Variants in AP1S3 observed in about 807,000 individuals in gnomAD.
AP1S3 encodes AP-1 complex subunit sigma-3.
A neutral mutation model predicts 20.9 loss-of-function variants in AP1S3; 10 were observed. The observed-to-expected ratio is 0.48, with a 90% CI of 0.29 to 0.81. AP1S3 has a LOEUF of 0.81. AP1S3 is among the 30% of genes least tolerant of loss of function. The probability of loss-of-function intolerance (pLI) is 0.08; values close to 1 mark genes in which losing one functional copy is unlikely to be tolerated. For synonymous variants in AP1S3, 41 were observed against 61.5 expected (o/e 0.67, Z 1.56); for missense variants, 154 against 183.8 (o/e 0.84, Z 0.94).
chr2:223,816,512 C>A (rs890966404), intron 1 of AP1S3, among the ~76,000 whole-genome samples: 1 of 152,152 alleles, frequency 6.6e-6, no homozygotes, highest in East Asian at 1.9e-4. Context: ...CAGCAAGGAA[C>A]AGATAGCAAG....
chr2:223,818,838 GCCACT>G (rs1192414728), intron 1 of AP1S3, among the ~76,000 whole-genome samples: 77 of 152,202 alleles, frequency 5.1e-4, no homozygotes, highest in African/African-American at 1.7e-3. Flanking sequence ...ACAGGCATGA[GCCACT>G]GCACCAGGCC....
At chr2:223,815,380 A>G (rs1691821364) in intron 1 of AP1S3, among the ~76,000 whole-genome samples, 1 of 151,814 alleles carries the variant, frequency 6.6e-6, no homozygotes, top group African/African-American at 2.4e-5. Context: ...ATGCAATCCA[A>G]GGAAAGCAGA....
At position 223,755,928 on chromosome 2, in the gene AP1S3, T is replaced by C. The variant is rs1009095081; in HGVS notation, c.*2787A>G. 39 of 985,368 alleles carry C rather than the reference T, an allele frequency of 4.0e-5. No homozygotes were observed. Among genetic ancestry groups the C allele is most frequent in the African/African-American group, 1.0e-4 (6 of 57,262 alleles). 61.0% of individuals were successfully genotyped at this position (985,368 alleles called of 1,614,324 possible). A position where few individuals can be genotyped will look rare whatever the true frequency, so the allele number is the denominator to read the frequency against. The stretch of plus-strand genomic sequence containing the variant: ...ATGGAATTATCCAGAACATGTGTAG[T>C]ATATTTGAATGAGGTTCAAGAGATA... On this transcript the variant is annotated 3_prime_UTR_variant, in exon 5 of 5. Coordinates refer to ENST00000396654, the MANE Select transcript of AP1S3 (RefSeq NM_001039569.2).
chr2:223,755,877 C>A lies in AP1S3; in HGVS notation c.*2838G>T. 1 of 985,370 alleles carries A rather than the reference C, an allele frequency of 1.0e-6. No homozygotes were observed. Among genetic ancestry groups the A allele is most frequent in the Non-Finnish European group, 1.2e-6 (1 of 829,924 alleles). 61.0% of individuals were successfully genotyped at this position (985,370 alleles called of 1,614,324 possible). A position where few individuals can be genotyped will look rare whatever the true frequency, so the allele number is the denominator to read the frequency against. On this transcript the variant is annotated 3_prime_UTR_variant, in exon 5 of 5. Transcript: ENST00000396654. ...GTGACACTGATTGAAGTCTGAGAAG[C>A]CCTGTCCATAACTAAAGTGTCTAAT...
At chr2:223,774,926 C>T (rs561679001) in intron 3 of AP1S3, among the ~76,000 whole-genome samples, 20 of 150,884 alleles carry the variant, frequency 1.3e-4, no homozygotes, top group Non-Finnish European at 2.7e-4. Flanking sequence ...CAGGACAGAG[C>T]GTCAGTACAC....
At position 223,758,324 on chromosome 2, in the gene AP1S3, C is replaced by T. The variant is rs930114531; in HGVS notation, c.*391G>A. 8 of 986,026 alleles carry T rather than the reference C, an allele frequency of 8.1e-6. No homozygotes were observed. The highest frequency in any genetic ancestry group is 8.5e-6 in the Non-Finnish European group (7 of 828,312). The allele number at this position is 986,026 out of a possible 1,614,324, so 61.1% of individuals were successfully genotyped here. ...CATTTAGAAAAAGTATTAATGACAT[C>T]ATATATACTTTACATTCAAAATCAT... On this transcript the variant is annotated 3_prime_UTR_variant, in exon 5 of 5. Transcript: ENST00000396654.
chr2:223,782,777 G>C (rs1690980071), intron 1 of AP1S3, among the ~76,000 whole-genome samples: 1 of 152,210 alleles, frequency 6.6e-6, no homozygotes, highest in Admixed American at 6.5e-5. Context: ...GCATGAGGCA[G>C]TGTTGGAAGA....
intron 3 of AP1S3, among the ~76,000 whole-genome samples, chr2:223,772,699 C>T (rs948722298): frequency 6.6e-6 from 1 of 151,994 alleles, no homozygotes; most frequent in Non-Finnish European, 1.5e-5. Flanking sequence ...GATTTTGATC[C>T]GTCTGTCTTC....
intron 1 of AP1S3, among the ~76,000 whole-genome samples, chr2:223,802,302 A>ATTTTTTTTTTTTTTTT (rs66747473): frequency 7.7e-6 from 1 of 129,666 alleles, no homozygotes; most frequent in Non-Finnish European, 1.6e-5. Context: ...ATCCAGTTTT[A>ATTTTTTTTTTTTTTTT]TTTTATTTTT....
chr2:223,772,142 T>C (rs1429239395), intron 3 of AP1S3, among the ~76,000 whole-genome samples: 1 of 152,176 alleles, frequency 6.6e-6, no homozygotes, highest in East Asian at 1.9e-4. Flanking sequence ...ACAAGAATAA[T>C]TATAATGCAA....
intron 1 of AP1S3, among the ~76,000 whole-genome samples, chr2:223,793,967 T>A (rs1397069303): frequency 6.6e-6 from 1 of 152,136 alleles, no homozygotes; most frequent in Non-Finnish European, 1.5e-5. Flanking sequence ...GAGAAAGGAT[T>A]GATAGTTTTT....
chr2:223,811,568 CAAAAAAA>C (rs143512043), intron 1 of AP1S3, among the ~76,000 whole-genome samples: 2 of 135,506 alleles, frequency 1.5e-5, no homozygotes, highest in East Asian at 2.2e-4. Flanking sequence ...GACTCCATTT[CAAAAAAA>C]AAAAAAGAAA....
intron 1 of AP1S3, among the ~76,000 whole-genome samples, chr2:223,832,106 T>G (rs1330436895): frequency 6.7e-6 from 1 of 148,730 alleles, no homozygotes; most frequent in Non-Finnish European, 1.5e-5. Context: ...AAAGGACTTA[T>G]TCTGGGGATT....
chr2:223,810,953 A>T, intron 1 of AP1S3, among the ~76,000 whole-genome samples: 1 of 151,996 alleles, frequency 6.6e-6, no homozygotes, highest in East Asian at 1.9e-4. Flanking sequence ...TAATTTTCAA[A>T]TTTTTAAAAA....
At chr2:223,762,499 G>A (rs561083753) in intron 4 of AP1S3, among the ~76,000 whole-genome samples, 56 of 152,104 alleles carry the variant, frequency 3.7e-4, no homozygotes, top group African/African-American at 1.3e-3. Flanking sequence ...CCTCGAACTC[G>A]TGGCCTCAAG....
At chr2:223,779,628 G>A (rs1690875678) in intron 1 of AP1S3, among the ~76,000 whole-genome samples, 1 of 152,008 alleles carries the variant, frequency 6.6e-6, no homozygotes, top group East Asian at 1.9e-4. Context: ...ATATATACCA[G>A]GAACAAAAAA....
intron 1 of AP1S3, among the ~76,000 whole-genome samples, chr2:223,793,374 AT>A (rs1691252846): frequency 6.6e-6 from 1 of 152,236 alleles, no homozygotes; most frequent in South Asian, 2.1e-4. Context: ...CATACACAAC[AT>A]GGAATACTAT....
At chr2:223,780,781 C>T (rs994174561) in intron 1 of AP1S3, among the ~76,000 whole-genome samples, 1 of 151,078 alleles carries the variant, frequency 6.6e-6, no homozygotes, top group Non-Finnish European at 1.5e-5. Context: ...CTACAAATTA[C>T]TTTTTTCATA....
At chr2:223,800,654 T>G (rs1392900784) in intron 1 of AP1S3, among the ~76,000 whole-genome samples, 1 of 152,150 alleles carries the variant, frequency 6.6e-6, no homozygotes, top group Non-Finnish European at 1.5e-5. Flanking sequence ...ATGATAAAAC[T>G]TCTTAGCAAA....
Sources: allele counts gnomAD v4.1 joint callset (sites outside exome capture counted in the v4.1 genomes callset), GRCh38; gene constraint gnomAD v4.1.1; transcripts MANE v1.5; gene names NCBI Gene and HGNC (gene_info 2026-07-23, HGNC 2026-07-21).